SNX20: variants seen among roughly 807,000 people sequenced by gnomAD.
The protein encoded by SNX20 is sorting nexin 20.
A neutral mutation model predicts 24.5 loss-of-function variants in SNX20; 21 were observed. The ratio of observed to expected loss-of-function variants is 0.86; its 90% CI spans 0.61 to 1.23. The LOEUF (loss-of-function observed/expected upper bound fraction) is 1.23, where lower values mean the gene tolerates loss of function less well. Among genes scored for constraint, SNX20 ranks in the 50% most tolerant of loss-of-function variants. The pLI, the probability that SNX20 is intolerant of heterozygous loss-of-function variation, is 0.00. For missense variants in SNX20, 433 were observed against 430.8 expected, an observed-to-expected ratio of 1.00 and a Z score of -0.04; for synonymous variants, 206 against 192.8, an observed-to-expected ratio of 1.07 and a Z score of -0.57.
chr16:50,673,532 G>A lies in SNX20; in HGVS notation c.825C>T (p.Arg275=). ...YYAPLLDAMV[R]LAYALGKDFV... The stretch of plus-strand genomic sequence containing the variant: ...AGTCCTTGCCCAGCGCGTAGGCCAG[G>A]CGGACCATGGCGTCCAGCAGAGGCG... Residue 275 remains arginine, a synonymous_variant, in exon 4 of 4, where the codon CGC becomes CGT. Transcript: ENST00000330943. This position sits in a 1 kb window ranked among gnomAD's most constrained non-coding sequence, Gnocchi z 4.1. The A allele has an allele frequency of 6.2e-7, 1 of 1,609,660 alleles. No individual in the cohort carries two copies. The highest frequency in any genetic ancestry group is 8.5e-7 in the Non-Finnish European group (1 of 1,179,114).
In SNX20 at chr16:50,675,891, C is replaced by G. The variant is rs1963171241; in HGVS notation, c.161G>C (p.Ser54Thr). The G allele has an allele frequency of 2.5e-6, 4 of 1,611,300 alleles. No homozygotes were observed. Among genetic ancestry groups the G allele is most frequent in the Admixed American group, 3.4e-5 (2 of 59,026 alleles). Residue 54 changes from serine to threonine, a missense_variant, in exon 3 of 4, where the codon AGC becomes ACC. Transcript: ENST00000330943. ...DTHSGLSSNS[S>T]MTTRELQQYW... is the part of the protein sequence containing the mutation. ...CTGCTGAAGCTCCCGCGTGGTCATG[C>G]TGGAGTTGGAGCTCAGGCCACTGTG...
At chr16:50,674,202 ATTGTTTGTTTGTTTGT>A (rs537431215) in intron 3 of SNX20, 128 bp from the exon 4 acceptor site, 5 of 1,066,704 alleles carry the variant, frequency 4.7e-6, no homozygotes, top group East Asian at 6.5e-5. Context: ...CTTATATGCA[ATTGTTTGTTTGTTTGT>A]TTGTTTGTTT....
At position 50,673,065 on chromosome 16, in the gene SNX20, A is replaced by C; in HGVS notation, c.*341T>G. 1 of 182,112 alleles carries C rather than the reference A, an allele frequency of 5.5e-6. No individual in the cohort carries two copies. Among genetic ancestry groups the C allele is most frequent in the Admixed American group, 6.2e-5 (1 of 16,028 alleles). The allele number at this position is 182,112 out of a possible 1,614,324, so 11.3% of individuals were successfully genotyped here. A position where few individuals can be genotyped will look rare whatever the true frequency, so the allele number is the denominator to read the frequency against. ...CACTTGTAACCCCAGTGTTTTGGGA[A>C]GCTGAGGCAGGAAGATCATTTAAGG... is the stretch of plus-strand genomic sequence containing the variant. On this transcript the variant is annotated 3_prime_UTR_variant, in exon 4 of 4. Coordinates refer to ENST00000330943, the MANE Select transcript of SNX20 (RefSeq NM_182854.4). This position sits in a 1 kb window ranked among gnomAD's most constrained non-coding sequence, Gnocchi z 4.1.
intron 1 of SNX20, 130 bp from the exon 2 acceptor site, chr16:50,677,665 A>G (rs1963215509): frequency 1.0e-6 from 1 of 999,026 alleles, no homozygotes. Context: ...CCACGGCTCA[A>G]CCTTCCCCAC....
At position 50,673,926 on chromosome 16, in the gene SNX20, T is replaced by G; in HGVS notation, c.431A>C (p.His144Pro). 6.2e-7 allele frequency: 1 copy of G among 1,612,474 alleles called. No homozygotes were observed. The highest frequency in any genetic ancestry group is 8.5e-7 in the Non-Finnish European group (1 of 1,179,672). Residue 144 changes from histidine (H) to proline (P), a missense_variant, in exon 4 of 4, where the codon CAC becomes CCC. By Grantham distance (77) the His-to-Pro change is moderately conservative. Transcript: ENST00000330943. This position sits in a 1 kb window ranked among gnomAD's most constrained non-coding sequence, Gnocchi z 4.1. ...EIEDVEFPRK[H>P]LTGNFAEEMI... ...CTCCTCAGCGAAGTTCCCAGTCAGG[T>G]GCTTCCTGGGAAACTCCACGTCTTC... is the stretch of plus-strand genomic sequence containing the variant.
At chr16:50,679,432 C>T (rs1052637471) in intron 1 of SNX20, among the ~76,000 whole-genome samples, 4 of 152,308 alleles carry the variant, frequency 2.6e-5, no homozygotes, top group East Asian at 3.9e-4. Context: ...GGGCCTTCTC[C>T]GTTTGGCTCT....
intron 1 of SNX20, among the ~76,000 whole-genome samples, chr16:50,679,909 A>C (rs753142165): frequency 6.6e-6 from 1 of 152,196 alleles, no homozygotes; most frequent in Non-Finnish European, 1.5e-5. Flanking sequence ...GCCTTTGCAG[A>C]TCTGCTTTCA....
chr16:50,666,358 A>G (rs1237951470), exon 4 of SNX20: 1 of 152,376 alleles, frequency 6.6e-6, no homozygotes, highest in Non-Finnish European at 1.5e-5. Context: ...AACTAAAAAA[A>G]TAAAATATGT....
chr16:50,668,264 A>G (rs1425336502), downstream of SNX20: 2 of 1,418,508 alleles, frequency 1.4e-6, no homozygotes, highest in Admixed American at 2.9e-5. Flanking sequence ...TTTGCAGGAC[A>G]ACATTTTCCA....
At chr16:50,670,983 C>T (rs758668115), downstream of SNX20, 23 of 152,136 alleles carry the variant, frequency 1.5e-4, no homozygotes, top group Non-Finnish European at 2.8e-4. Context: ...GAAGCCAACC[C>T]CTCTTCAGAG....
At chr16:50,667,194 G>A (rs1962935665), downstream of SNX20, 1 of 152,312 alleles carries the variant, frequency 6.6e-6, no homozygotes, top group East Asian at 1.9e-4. Context: ...TGTTAGTGGT[G>A]CCTGGAGCCC....
chr16:50,674,907 A>G (rs540587403), intron 3 of SNX20, among the ~76,000 whole-genome samples: 1 of 152,356 alleles, frequency 6.6e-6, no homozygotes, highest in East Asian at 1.9e-4. Flanking sequence ...CTCCAGAGCC[A>G]GATTGCATGG....
chr16:50,679,334 C>T (rs919198680), intron 1 of SNX20, among the ~76,000 whole-genome samples: 2 of 152,180 alleles, frequency 1.3e-5, no homozygotes, highest in Admixed American at 1.3e-4. Context: ...GGGTGAGAGC[C>T]GCTGGCCTGG....
At chr16:50,677,674 A>T in intron 1 of SNX20, 139 bp from the exon 2 acceptor site, 2 of 932,938 alleles carry the variant, frequency 2.1e-6, no homozygotes, top group East Asian at 3.2e-5. Context: ...AACCTTCCCC[A>T]CTCTCCCAGC....
intron 3 of SNX20, 147 bp from the exon 4 acceptor site, chr16:50,674,221 G>T: frequency 1.1e-6 from 1 of 914,770 alleles, no homozygotes; most frequent in South Asian, 3.3e-5. Flanking sequence ...TTGTTTGTTT[G>T]TTTGTTTGTT....
chr16:50,669,163 G>A, downstream of SNX20: 1 of 1,112,854 alleles, frequency 9.0e-7, no homozygotes, highest in Non-Finnish European at 1.3e-6. Context: ...AAACAGAGGT[G>A]AGTGAAATGA....
intron 3 of SNX20, 113 bp from the exon 4 acceptor site, chr16:50,674,187 C>T (rs534131171): frequency 3.0e-6 from 4 of 1,327,434 alleles, no homozygotes; most frequent in African/African-American, 1.5e-5. Flanking sequence ...TGAAAACGGG[C>T]GATCCTTATA....
Position 50,673,517 on chromosome 16 carries a change from C to T in SNX20, c.840G>A (p.Leu280=), listed in dbSNP as rs1164136257. 1 of 1,610,270 alleles carries T rather than the reference C, an allele frequency of 6.2e-7. No individual in the cohort carries two copies. Among genetic ancestry groups the T allele is most frequent in the Non-Finnish European group, 8.5e-7 (1 of 1,179,060 alleles). ...CCTGCAGAGTCACGAAGTCCTTGCC[C>T]AGCGCGTAGGCCAGGCGGACCATGG... The part of the protein sequence containing the change: ...LDAMVRLAYA[L]GKDFVTLQER... The change falls in exon 4 of 4, where the codon CTG becomes CTA. Residue 280 remains leucine (L), a synonymous_variant. Coordinates refer to ENST00000330943, the MANE Select transcript of SNX20 (RefSeq NM_182854.4). The surrounding 1 kb of genome is among the most constrained non-coding windows in gnomAD (Gnocchi z 4.1).
downstream of SNX20, chr16:50,667,686 C>T (rs547696004): frequency 2.7e-6 from 1 of 367,014 alleles, no homozygotes; most frequent in East Asian, 4.9e-5. Flanking sequence ...GTCAACTTAG[C>T]CCTACCAGCA....
Sources: gnomAD v4.1 joint callset for allele counts (sites outside exome capture counted in the v4.1 genomes callset) on GRCh38, gnomAD v4.1.1 for gene constraint, Gnocchi (gnomAD v3.1) non-coding constraint, MANE v1.5 for transcripts, NCBI Gene and HGNC (gene_info 2026-07-23, HGNC 2026-07-21) for gene names.